JAKMIP1: variants seen among roughly 807,000 people sequenced by gnomAD.
The protein encoded by JAKMIP1 is janus kinase and microtubule-interacting protein 1.
In JAKMIP1, 33 loss-of-function variants were observed where a neutral mutation model predicts 113.0. That is an observed-to-expected ratio of 0.29 (90% CI 0.22 to 0.39). The LOEUF is 0.39. Ranked by LOEUF, JAKMIP1 falls within the 10% of genes least tolerant of loss-of-function variation. The pLI is 1.00. For missense variants in JAKMIP1, 813 were observed against 1,080.5 expected (o/e 0.75, Z 3.47); for synonymous variants, 480 against 459.9 (o/e 1.04, Z -0.56).
Position 6,141,158 on chromosome 4 carries a change from G to A in JAKMIP1, c.-147-28161C>T, listed in dbSNP as rs188409207. ...AACATTTAAAGTGGTAGACGAGGCC[G>A]GGCGCAGTGGCTCATGCCTGTAATC... On this transcript the variant is annotated intron_variant, in intron 1 of 20. Coordinates refer to ENST00000409021, the MANE Select transcript of JAKMIP1 (RefSeq NM_001099433.2). The surrounding 1 kb of genome is among the most constrained non-coding windows in gnomAD (Gnocchi z 9.4). 4.5e-4 allele frequency among the ~76,000 whole-genome samples: 69 copies of A among 152,316 alleles called. No individual in the cohort carries two copies. Among genetic ancestry groups the A allele is most frequent in the Non-Finnish European group, 7.6e-4 (52 of 68,042 alleles).
chr4:6,045,282 G>A (rs1433236985), intron 16 of JAKMIP1, among the ~76,000 whole-genome samples: 2 of 152,224 alleles, frequency 1.3e-5, no homozygotes, highest in African/African-American at 2.4e-5. Flanking sequence ...GAACTTGAGG[G>A]AGAAGAGATA....
chr4:6,172,126 A>G (rs924549953), intron 1 of JAKMIP1, among the ~76,000 whole-genome samples: 1 of 152,132 alleles, frequency 6.6e-6, no homozygotes, highest in Admixed American at 6.5e-5. Flanking sequence ...ACACTGGTCC[A>G]ATGCTTCTAA....
chr4:6,067,380 G>A lies in JAKMIP1; in HGVS notation c.1303-2372C>T, dbSNP rs181702206. 3.7e-3 allele frequency among the ~76,000 whole-genome samples: 564 copies of A among 152,262 alleles called. 2 individuals carry two copies. Among genetic ancestry groups the A allele is most frequent in the African/African-American group, 0.013 (528 of 41,530 alleles). On this transcript the variant is annotated intron_variant, in intron 8 of 20. Transcript: ENST00000409021. The surrounding 1 kb of genome is among the most constrained non-coding windows in gnomAD (Gnocchi z 4.6). ...CCAGATGAGTCTCATTGGCAGGTAC[G>A]TGAAGACTATGGGCACCATCAACTT...
At position 6,199,412 on chromosome 4, in the gene JAKMIP1, G is replaced by A. The variant is rs965320861; in HGVS notation, c.-148+841C>T. Among the ~76,000 whole-genome samples the A allele has an allele frequency of 2.0e-5, 3 of 152,214 alleles. No homozygotes were observed. The highest frequency in any genetic ancestry group is 2.9e-5 in the Non-Finnish European group (2 of 68,024). On this transcript the variant is annotated intron_variant, in intron 1 of 20. Coordinates refer to ENST00000409021, the MANE Select transcript of JAKMIP1 (RefSeq NM_001099433.2). This position sits in a 1 kb window ranked among gnomAD's most constrained non-coding sequence, Gnocchi z 5.6. ...AGGAGCCCACAGCAGGGGGGATGGA[G>A]CGAAGGACCGAGGGGCTGGGAGGCG...
intron 1 of JAKMIP1, among the ~76,000 whole-genome samples, chr4:6,131,428 A>G (rs1343231722): frequency 6.6e-6 from 1 of 150,714 alleles, no homozygotes; most frequent in African/African-American, 2.4e-5. Context: ...AGAAAAGTAG[A>G]GATAAAGAAA....
chr4:6,102,138 T>A (rs1204813292), intron 3 of JAKMIP1, among the ~76,000 whole-genome samples: 1 of 152,248 alleles, frequency 6.6e-6, no homozygotes, highest in Non-Finnish European at 1.5e-5. Flanking sequence ...AATTTTGTGG[T>A]GCTCTACTGT....
intron 1 of JAKMIP1, among the ~76,000 whole-genome samples, chr4:6,170,112 ACAT>A (rs1221231454): frequency 8.0e-6 from 1 of 125,046 alleles, no homozygotes; most frequent in Non-Finnish European, 1.7e-5. Flanking sequence ...ATCATTACCA[ACAT>A]CATCACCATC....
chr4:6,195,880 C>T (rs1192195768), intron 1 of JAKMIP1, among the ~76,000 whole-genome samples: 2 of 152,230 alleles, frequency 1.3e-5, no homozygotes, highest in African/African-American at 2.4e-5. Context: ...AGCCACAGAC[C>T]ATACATACAC....
chr4:6,107,882 C>T (rs779488812), intron 2 of JAKMIP1, among the ~76,000 whole-genome samples: 3 of 152,020 alleles, frequency 2.0e-5, no homozygotes, highest in Non-Finnish European at 2.9e-5. Context: ...CTCAAAGGCC[C>T]GTTGAGAGGA....
intron 1 of JAKMIP1, among the ~76,000 whole-genome samples, chr4:6,151,610 T>C (rs759949924): frequency 5.3e-5 from 8 of 152,192 alleles, no homozygotes; most frequent in African/African-American, 7.2e-5. Context: ...CACTGTGACC[T>C]TCACAGCCGC....
chr4:6,109,235 C>G (rs2108883009), intron 2 of JAKMIP1, among the ~76,000 whole-genome samples: 1 of 151,286 alleles, frequency 6.6e-6, no homozygotes, highest in East Asian at 2.0e-4. Context: ...CAGGTTCACG[C>G]CATTCTCCTG....
At chr4:6,048,734 G>GTGCACA in intron 16 of JAKMIP1, 123 bp downstream of exon 16, 2 of 752,378 alleles carry the variant, frequency 2.7e-6, no homozygotes, top group Non-Finnish European at 4.6e-6. Context: ...GCATGTGCAC[G>GTGCACA]TGCAGACGCA....
In JAKMIP1 at chr4:6,155,767, A is replaced by G. The variant is rs576148684; in HGVS notation, c.-147-42770T>C. On this transcript the variant is annotated intron_variant, in intron 1 of 20. Coordinates refer to ENST00000409021, the MANE Select transcript of JAKMIP1 (RefSeq NM_001099433.2). The surrounding 1 kb of genome is among the most constrained non-coding windows in gnomAD (Gnocchi z 6.1). ...GTGTCCTTTAAGCTGAAGCTCTATC[A>G]TCTCAAATTTTGCTCTGAAGGCCTG... Among the ~76,000 whole-genome samples the G allele has an allele frequency of 1.3e-5, 2 of 152,310 alleles. No individual in the cohort carries two copies. The highest frequency in any genetic ancestry group is 3.9e-4 in the East Asian group (2 of 5,180).
chr4:6,090,624 TTAAAC>T (rs1054251694), intron 3 of JAKMIP1, among the ~76,000 whole-genome samples: 6 of 152,162 alleles, frequency 3.9e-5, no homozygotes, highest in Admixed American at 1.3e-4. Flanking sequence ...CATGATCACC[TTAAAC>T]TAGAGTGTCA....
rs958152739 is a variant in JAKMIP1 at position 6,140,294 on chromosome 4, T to G, written c.-147-27297A>C. On this transcript the variant is annotated intron_variant, in intron 1 of 20. Transcript: ENST00000409021. The surrounding 1 kb of genome is among the most constrained non-coding windows in gnomAD (Gnocchi z 9.4). ...GTGGGGAGGGACTTTCACCAACATT[T>G]GTGTGATACACATCTTCCCACATAA... 6.6e-6 allele frequency among the ~76,000 whole-genome samples: 1 copy of G among 151,554 alleles called. No individual in the cohort carries two copies. The highest frequency in any genetic ancestry group is 6.6e-5 in the Admixed American group (1 of 15,236).
rs998372508 is a variant in JAKMIP1, at chr4:6,097,641, C to T, written c.624+7832G>A. Among the ~76,000 whole-genome samples, 1 of 152,204 alleles carries T rather than the reference C, an allele frequency of 6.6e-6. No individual in the cohort carries two copies. The highest frequency in any genetic ancestry group is 1.5e-5 in the Non-Finnish European group (1 of 68,032). ...TGGATTAGGGATGCTCAACCTATTT[C>T]TATACCACCTTTGGAAAACTCCATA... On this transcript the variant is annotated intron_variant, in intron 3 of 20. Transcript: ENST00000409021. The surrounding 1 kb of genome is among the most constrained non-coding windows in gnomAD (Gnocchi z 4.3).
rs979668982 is a variant in JAKMIP1 at position 6,067,105 on chromosome 4, T to C, written c.1303-2097A>G. Among the ~76,000 whole-genome samples the C allele has an allele frequency of 1.3e-5, 2 of 152,160 alleles. No homozygotes were observed. Among genetic ancestry groups the C allele is most frequent in the Admixed American group, 6.5e-5 (1 of 15,280 alleles). On this transcript the variant is annotated intron_variant, in intron 8 of 20. Transcript: ENST00000409021. This position sits in a 1 kb window ranked among gnomAD's most constrained non-coding sequence, Gnocchi z 4.6. ...GGGCCTCCTTCTTTATTCCTTTCCA[T>C]AGCACATCTCCCCGCTGACGTAAGA... is the stretch of plus-strand genomic sequence containing the variant.
In JAKMIP1 at chr4:6,089,453, T is replaced by C. The variant is rs1170739786; in HGVS notation, c.625-3824A>G. On this transcript the variant is annotated intron_variant, in intron 3 of 20. Transcript: ENST00000409021. The surrounding 1 kb of genome is among the most constrained non-coding windows in gnomAD (Gnocchi z 5.3). ...TTGTACTTAAGAGACACTCTCTGAG[T>C]CTTTAAAAGATCCTCAAAGTGGACA... Among the ~76,000 whole-genome samples the C allele has an allele frequency of 1.3e-5, 2 of 152,134 alleles. No homozygotes were observed. The highest frequency in any genetic ancestry group is 2.9e-5 in the Non-Finnish European group (2 of 68,024).
At chr4:6,164,620 C>T (rs4688969) in intron 1 of JAKMIP1, among the ~76,000 whole-genome samples, 10,379 of 152,138 alleles carry the variant, frequency 0.068, 842 homozygotes, top group African/African-American at 0.2. Context: ...TTGAAAACCT[C>T]CTGGAAAAGA....
Sources: allele counts gnomAD v4.1 joint callset (sites outside exome capture counted in the v4.1 genomes callset), GRCh38; gene constraint gnomAD v4.1.1; non-coding constraint Gnocchi (gnomAD v3.1); transcripts MANE v1.5; gene names NCBI Gene and HGNC (gene_info 2026-07-23, HGNC 2026-07-21).